Variants in DCC observed in about 807,000 individuals in gnomAD.
DCC encodes the protein netrin receptor DCC.
DCC carries 58 observed loss-of-function variants against 172.5 expected under a neutral mutation model. The observed-to-expected ratio is 0.34, with a 90% CI of 0.27 to 0.42. The LOEUF (loss-of-function observed/expected upper bound fraction) is 0.42, where lower values mean the gene tolerates loss of function less well. Among genes scored for constraint, DCC ranks in the 10% least tolerant of loss-of-function variants. DCC has a pLI of 1.00. For missense variants in DCC, 1,740 were observed against 1,791.0 expected (o/e 0.97, Z 0.51); for synonymous variants, 709 against 644.5 (o/e 1.10, Z -1.52).
rs1984091682 is a variant in DCC, at chr18:52,350,902, A to G, written c.91+10024A>G. On this transcript the variant is annotated intron_variant, in intron 1 of 28. Transcript: ENST00000442544. ...CAGACTTTCGTGACCCTTTCTTCCC[A>G]TATTTCTTGAATGTGTTCCAGGTAT... Among the ~76,000 whole-genome samples the G allele has an allele frequency of 2.6e-5, 4 of 152,160 alleles. 1 individual carries two copies. The South Asian group carries it at 6.2e-4, about 24-fold the overall frequency.
chr18:53,194,809 G>A (rs768435643), intron 9 of DCC, among the ~76,000 whole-genome samples: 2 of 152,120 alleles, frequency 1.3e-5, no homozygotes, highest in Non-Finnish European at 2.9e-5. Context: ...CAGAACTTGG[G>A]CCACATCCTT....
chr18:53,133,651 T>C (rs752395092), intron 7 of DCC, among the ~76,000 whole-genome samples: 1 of 152,204 alleles, frequency 6.6e-6, no homozygotes, highest in Non-Finnish European at 1.5e-5. Context: ...CAGAAAACTA[T>C]TAGTGGTACA....
intron 1 of DCC, among the ~76,000 whole-genome samples, chr18:52,599,045 G>A (rs1033256054): frequency 2.0e-5 from 3 of 152,112 alleles, no homozygotes; most frequent in African/African-American, 7.2e-5. Flanking sequence ...CTGTTGCATT[G>A]GGGATTAAGT....
chr18:52,673,650 A>G (rs2035595638), intron 1 of DCC, among the ~76,000 whole-genome samples: 1 of 152,042 alleles, frequency 6.6e-6, no homozygotes, highest in South Asian at 2.1e-4. Context: ...CAAAGAGGGG[A>G]GTAAATAAGG....
At chr18:52,824,466 A>G (rs2038469313) in intron 2 of DCC, among the ~76,000 whole-genome samples, 1 of 152,164 alleles carries the variant, frequency 6.6e-6, no homozygotes, top group Admixed American at 6.5e-5. Flanking sequence ...TATGGCAAAC[A>G]TCTTGATGGC....
At chr18:53,449,127 A>G (rs989447952) in intron 22 of DCC, among the ~76,000 whole-genome samples, 12 of 152,256 alleles carry the variant, frequency 7.9e-5, no homozygotes, top group Admixed American at 1.3e-4. Flanking sequence ...GAAAATTAAT[A>G]TAGGTTATTA....
At chr18:53,523,393 A>G (rs1293870532) in intron 27 of DCC, among the ~76,000 whole-genome samples, 1 of 152,172 alleles carries the variant, frequency 6.6e-6, no homozygotes, top group Admixed American at 6.6e-5. Context: ...ATGCCATTTG[A>G]CCCAGCAATC....
At chr18:52,619,532 G>A (rs1252409338) in intron 1 of DCC, among the ~76,000 whole-genome samples, 1 of 152,162 alleles carries the variant, frequency 6.6e-6, no homozygotes, top group Admixed American at 6.5e-5. Context: ...TTTCCCTTGA[G>A]TATGGGTGAT....
At position 53,023,847 on chromosome 18, in the gene DCC, T is replaced by C. The variant is rs575316942; in HGVS notation, c.986-39458T>C. On this transcript the variant is annotated intron_variant, in intron 5 of 28. Coordinates refer to ENST00000442544, the MANE Select transcript of DCC (RefSeq NM_005215.4). Reference sequence around the variant, plus strand: ...CTGCTGTATGATCTGCTTTCCAGGATTGTACATAGAAAGCATGCTATCCTG... The same window carrying C: ...CTGCTGTATGATCTGCTTTCCAGGACTGTACATAGAAAGCATGCTATCCTG... Among the ~76,000 whole-genome samples, 20 of 152,244 alleles carry C rather than the reference T, an allele frequency of 1.3e-4. 1 individual carries two copies. The South Asian group carries it at 3.9e-3, about 30-fold the overall frequency.
intron 23 of DCC, among the ~76,000 whole-genome samples, chr18:53,456,354 G>C (rs2045482829): frequency 6.6e-6 from 1 of 152,166 alleles, no homozygotes; most frequent in African/African-American, 2.4e-5. Context: ...GAGCCTGGGA[G>C]GGTTCTTTGT....
At chr18:53,336,131 T>G (rs999424463) in intron 14 of DCC, among the ~76,000 whole-genome samples, 2 of 152,190 alleles carry the variant, frequency 1.3e-5, no homozygotes, top group Non-Finnish European at 2.9e-5. Context: ...ATTAACTCAA[T>G]AACTACTCTA....
intron 12 of DCC, among the ~76,000 whole-genome samples, chr18:53,239,521 G>A (rs1038585078): frequency 2.0e-5 from 3 of 152,136 alleles, no homozygotes; most frequent in South Asian, 2.1e-4. Flanking sequence ...GTGAATTCAC[G>A]GAGCAGAGAC....
chr18:52,404,021 G>C (rs1986540754), intron 1 of DCC, among the ~76,000 whole-genome samples: 1 of 151,972 alleles, frequency 6.6e-6, no homozygotes, highest in South Asian at 2.1e-4. Context: ...TCATTTTCTG[G>C]AAAAACAAAA....
intron 1 of DCC, among the ~76,000 whole-genome samples, chr18:52,349,814 T>G (rs1401493546): frequency 1.3e-5 from 2 of 152,194 alleles, no homozygotes; most frequent in African/African-American, 4.8e-5. Flanking sequence ...TTCATTTGAT[T>G]TTTCCTCATA....
chr18:52,802,375 C>T (rs1196992712), intron 2 of DCC, among the ~76,000 whole-genome samples: 2 of 151,860 alleles, frequency 1.3e-5, no homozygotes, highest in African/African-American at 4.8e-5. Flanking sequence ...TATACATATA[C>T]ATGTATATAT....
chr18:53,335,365 C>A lies in DCC; in HGVS notation c.2165-4348C>A, dbSNP rs540032391. Among the ~76,000 whole-genome samples, 42 of 152,252 alleles carry A rather than the reference C, an allele frequency of 2.8e-4. No homozygotes were observed. In the South Asian group the frequency reaches 6.8e-3, roughly 25 times the overall value. ...CTTATGTTTTGTCTTTCCTCTCCCACCACTATATTTTTAGTACCTAGAACT... is the reference window on the plus strand; with the variant it reads ...CTTATGTTTTGTCTTTCCTCTCCCAACACTATATTTTTAGTACCTAGAACT... On this transcript the variant is annotated intron_variant, in intron 14 of 28. Coordinates refer to ENST00000442544, the MANE Select transcript of DCC (RefSeq NM_005215.4).
At chr18:53,431,473 TG>T (rs68021741) in intron 21 of DCC, among the ~76,000 whole-genome samples, 50,551 of 148,726 alleles carry the variant, frequency 0.34, 9,708 homozygotes, top group Non-Finnish European at 0.45. Context: ...CTTTGTTTTT[TG>T]TTGTTGTTGT....
intron 2 of DCC, among the ~76,000 whole-genome samples, chr18:52,765,199 A>ATTTTTTTTTTTTTTTTTTTT: frequency 8.3e-6 from 1 of 120,116 alleles, no homozygotes; most frequent in Non-Finnish European, 1.7e-5. Context: ...ACTCCTGGCT[A>ATTTTTTTTTTTTTTTTTTTT]ATTTTTTTTT....
At chr18:53,425,214 C>T (rs562555100) in intron 21 of DCC, among the ~76,000 whole-genome samples, 1 of 152,012 alleles carries the variant, frequency 6.6e-6, no homozygotes, top group East Asian at 1.9e-4. Context: ...TTCTCTGCCA[C>T]AGCCTTGTTT....
Sources: gnomAD v4.1 joint callset for allele counts (sites outside exome capture counted in the v4.1 genomes callset) on GRCh38, gnomAD v4.1.1 for gene constraint, MANE v1.5 for transcripts, NCBI Gene and HGNC (gene_info 2026-07-23, HGNC 2026-07-21) for gene names.